EYA2: variants seen among roughly 807,000 people sequenced by gnomAD.
The protein encoded by EYA2 is protein phosphatase EYA2.
EYA2 carries 31 observed loss-of-function variants against 69.2 expected under a neutral mutation model. The observed-to-expected ratio is 0.45, with a 90% confidence interval of 0.34 to 0.60. EYA2 has a LOEUF of 0.60. Ranked by LOEUF, EYA2 falls within the 20% of genes least tolerant of loss-of-function variation. The pLI, the probability that EYA2 is intolerant of heterozygous loss-of-function variation, is 0.02. For missense variants in EYA2, 622 were observed against 701.2 expected, an observed-to-expected ratio of 0.89 and a Z score of 1.28; for synonymous variants, 257 against 279.4, an observed-to-expected ratio of 0.92 and a Z score of 0.80.
At chr20:47,070,365 C>T (rs1203495826) in intron 5 of EYA2, among the ~76,000 whole-genome samples, 2 of 152,198 alleles carry the variant, frequency 1.3e-5, no homozygotes, top group Non-Finnish European at 2.9e-5. Context: ...CCACATACTT[C>T]GTAGAGTGGC....
intron 5 of EYA2, among the ~76,000 whole-genome samples, chr20:47,070,961 G>A (rs145413605): frequency 0.022 from 3,308 of 152,020 alleles, 125 homozygotes; most frequent in African/African-American, 0.074. Context: ...CAATCCCCCC[G>A]CCTCAGCCTC....
At chr20:47,169,307 G>A in intron 11 of EYA2, 110 bp downstream of exon 11, 4 of 1,010,024 alleles carry the variant, frequency 4.0e-6, no homozygotes, top group Admixed American at 3.4e-5. Flanking sequence ...AGGACAAGGA[G>A]TGCCTGCCTC....
chr20:46,927,676 A>G (rs958695499), intron 1 of EYA2, among the ~76,000 whole-genome samples: 18 of 152,324 alleles, frequency 1.2e-4, no homozygotes, highest in East Asian at 5.8e-4. Context: ...TGATTCAACT[A>G]TCTCCCACTG....
chr20:47,091,774 A>G (rs2032094458), intron 8 of EYA2, among the ~76,000 whole-genome samples: 1 of 152,190 alleles, frequency 6.6e-6, no homozygotes. Flanking sequence ...TGGTTACTTA[A>G]GCAAAAATGA....
intron 5 of EYA2, among the ~76,000 whole-genome samples, chr20:47,053,092 G>T (rs901561629): frequency 6.6e-6 from 1 of 152,034 alleles, no homozygotes; most frequent in African/African-American, 2.4e-5. Flanking sequence ...CTCCATGGTG[G>T]GCCTTACGTA....
At chr20:47,078,319 G>GCA (rs1491408787) in intron 7 of EYA2, among the ~76,000 whole-genome samples, 6 of 122,258 alleles carry the variant, frequency 4.9e-5, no homozygotes, top group East Asian at 2.1e-4. Context: ...ATGTGCACGT[G>GCA]CGCGCGCGCG....
chr20:47,163,784 T>G (rs2034123821), intron 10 of EYA2, among the ~76,000 whole-genome samples: 1 of 151,684 alleles, frequency 6.6e-6, no homozygotes, highest in East Asian at 1.9e-4. Flanking sequence ...CCACATTTTA[T>G]TTAGCTACGA....
chr20:47,078,362 C>CAT (rs1555821944), intron 7 of EYA2, among the ~76,000 whole-genome samples: 1 of 150,354 alleles, frequency 6.7e-6, no homozygotes, highest in Non-Finnish European at 1.5e-5. Context: ...CACACACACA[C>CAT]ATTCATGCAC....
chr20:46,956,909 T>G (rs1979157197), intron 1 of EYA2, among the ~76,000 whole-genome samples: 1 of 152,182 alleles, frequency 6.6e-6, no homozygotes, highest in South Asian at 2.1e-4. Flanking sequence ...AAACTCTGCT[T>G]TATAAAACCA....
At chr20:47,172,528 C>A (rs1169666297) in intron 11 of EYA2, among the ~76,000 whole-genome samples, 179 bp from the exon 12 acceptor site, 2 of 152,158 alleles carry the variant, frequency 1.3e-5, no homozygotes, top group Non-Finnish European at 2.9e-5. Flanking sequence ...CTTGGGGAAG[C>A]TAATGAAAGC....
At chr20:47,053,646 G>T (rs531443266) in intron 5 of EYA2, among the ~76,000 whole-genome samples, 2 of 141,336 alleles carry the variant, frequency 1.4e-5, no homozygotes, top group East Asian at 2.1e-4. Context: ...CAGCCTGGGG[G>T]ACAGGAGTGA....
intron 5 of EYA2, among the ~76,000 whole-genome samples, chr20:47,044,175 A>T (rs2029911848): frequency 1.3e-5 from 2 of 152,240 alleles, no homozygotes; most frequent in South Asian, 4.1e-4. Context: ...AGACTCAGTC[A>T]TCAGACCATT....
intron 5 of EYA2, among the ~76,000 whole-genome samples, chr20:47,027,211 G>T (rs990588712): frequency 3.3e-5 from 5 of 152,214 alleles, no homozygotes; most frequent in African/African-American, 7.2e-5. Context: ...TGGTGAAATG[G>T]AGTCATTTCC....
chr20:47,015,536 C>T (rs991417930), intron 4 of EYA2, among the ~76,000 whole-genome samples: 2 of 152,084 alleles, frequency 1.3e-5, no homozygotes, highest in African/African-American at 4.8e-5. Context: ...TTAAGCCATA[C>T]ACAGCACTAC....
chr20:47,087,653 C>T (rs1379374029), intron 7 of EYA2, among the ~76,000 whole-genome samples: 5 of 152,204 alleles, frequency 3.3e-5, no homozygotes, highest in Non-Finnish European at 7.3e-5. Context: ...AGTGCTGCTT[C>T]ACTTGTTGGG....
intron 10 of EYA2, among the ~76,000 whole-genome samples, chr20:47,151,831 T>C (rs2033829109): frequency 1.3e-5 from 2 of 152,004 alleles, no homozygotes; most frequent in South Asian, 2.1e-4. Context: ...GCAGAGAACA[T>C]GTCCACTGTG....
At position 47,179,815 on chromosome 20, in the gene EYA2, A is replaced by C; in HGVS notation, c.1216A>C (p.Lys406Gln). ...GTCCACAGGGTTGATAGGCACTCCC[A>C]AAAGGGAGACCTGGCTACAGCTCCG... is the stretch of plus-strand genomic sequence containing the variant. ...NNVGGLIGTP[K>Q]RETWLQLRAE... is the part of the protein sequence containing the mutation. Residue 406 changes from lysine (K) to glutamine (Q), a missense_variant, in exon 13 of 16, where the codon AAA becomes CAA. By Grantham distance (53) the Lys-to-Gln change is moderately conservative. This residue lies in a region of EYA2 where 257 missense variants were observed against 351.5 expected (regional missense o/e 0.73). Coordinates refer to ENST00000327619, the MANE Select transcript of EYA2 (RefSeq NM_005244.5). 6.2e-7 allele frequency: 1 copy of C among 1,613,498 alleles called. No individual in the cohort carries two copies. The highest frequency in any genetic ancestry group is 8.5e-7 in the Non-Finnish European group (1 of 1,179,542).
chr20:47,184,202 A>G (rs1200969116), intron 15 of EYA2, among the ~76,000 whole-genome samples: 1 of 152,104 alleles, frequency 6.6e-6, no homozygotes, highest in Non-Finnish European at 1.5e-5. Context: ...GAGCCCCGCT[A>G]AGAAATGGGA....
At chr20:46,908,660 C>T (rs896819821) in intron 1 of EYA2, among the ~76,000 whole-genome samples, 3 of 152,070 alleles carry the variant, frequency 2.0e-5, no homozygotes, top group African/African-American at 4.8e-5. Context: ...GGACTCCACC[C>T]GGTGCCATTC....
Sources: gnomAD v4.1 joint callset for allele counts (sites outside exome capture counted in the v4.1 genomes callset) on GRCh38, gnomAD v4.1.1 for gene constraint, gnomAD v4.1.1 regional missense constraint, MANE v1.5 for transcripts, NCBI Gene and HGNC (gene_info 2026-07-23, HGNC 2026-07-21) for gene names.